The following P2RY11 variants were observed in gnomAD, a reference collection of about 807,000 sequenced individuals.
The protein encoded by P2RY11 is purinergic receptor P2Y11.
P2RY11 carries 3 observed loss-of-function variants against 2.4 expected under a neutral mutation model. The observed-to-expected ratio is 1.22, with a 90% CI of 0.56 to 3.17. The LOEUF is 3.17. Ranked by LOEUF, P2RY11 falls within the 30% of genes most tolerant of loss-of-function variation. The pLI, the probability that P2RY11 is intolerant of heterozygous loss-of-function variation, is 0.03. For missense variants in P2RY11, 670 were observed against 528.2 expected, an observed-to-expected ratio of 1.27 and a Z score of -2.63; for synonymous variants, 307 against 237.3, an observed-to-expected ratio of 1.29 and a Z score of -2.70.
chr19:10,112,760 C>T (rs2089134366), intron 1 of P2RY11, among the ~76,000 whole-genome samples: 1 of 152,116 alleles, frequency 6.6e-6, no homozygotes, highest in South Asian at 2.1e-4. Context: ...CATGGGGAAA[C>T]CCCATCTCTA....
Position 10,113,694 on chromosome 19 carries a change from G to T in P2RY11, c.81G>T (p.Gln27His). 1 of 1,598,020 alleles carries T rather than the reference G, an allele frequency of 6.3e-7. No homozygotes were observed. Among genetic ancestry groups the T allele is most frequent in the Non-Finnish European group, 8.5e-7 (1 of 1,170,576 alleles). The stretch of plus-strand genomic sequence containing the variant: ...CCGACGACAAACTCAGTGGGTTCCA[G>T]GGGGACTTCCTGTGGCCCATACTGG... ...AAADDKLSGFQGDFLWPILVV... is the reference protein window; with the variant it reads ...AAADDKLSGFHGDFLWPILVV... The change falls in exon 2 of 2, where the codon CAG (glutamine) becomes CAT (histidine). Residue 27 changes from glutamine (Q) to histidine (H), a missense_variant. Transcript: ENST00000321826.
chr19:10,113,470 G>C (rs1232592119), intron 1 of P2RY11, among the ~76,000 whole-genome samples, 163 bp from the exon 2 acceptor site: 1 of 152,124 alleles, frequency 6.6e-6, no homozygotes, highest in Non-Finnish European at 1.5e-5. Flanking sequence ...CTGGCTCTGA[G>C]CCTCAATCCT....
intron 1 of P2RY11, 134 bp from the exon 2 acceptor site, chr19:10,113,499 A>C: frequency 2.3e-6 from 3 of 1,324,178 alleles, no homozygotes; most frequent in African/African-American, 1.5e-5. Flanking sequence ...AAAGGAGTGG[A>C]GCCCGGTCCC....
At position 10,113,682 on chromosome 19, in the gene P2RY11, CAG is replaced by C. The variant is rs767587364; in HGVS notation, c.70_71del (p.Ser24TrpfsTer14). 5 of 1,600,924 alleles carry C rather than the reference CAG, an allele frequency of 3.1e-6. No homozygotes were observed. Among genetic ancestry groups the C allele is most frequent in the South Asian group, 2.2e-5 (2 of 89,270 alleles). On this transcript the variant is annotated frameshift_variant, in exon 2 of 2. Transcript: ENST00000321826. LOFTEE classifies it low-confidence loss of function (END_TRUNC). ...NFLAAADDKL[S>X]GFQGDFLWPI... ...TCTTGGCAGCTGCCGACGACAAACT[CAG>C]TGGGTTCCAGGGGGACTTCCTGTGG...
chr19:10,111,794 G>A (rs2089088520), intron 1 of P2RY11, 54 bp downstream of exon 1: 1 of 1,602,568 alleles, frequency 6.2e-7, no homozygotes, highest in Non-Finnish European at 8.5e-7. Context: ...GTCAGGAGGT[G>A]GGGGTAGTGG....
Position 10,114,265 on chromosome 19 carries a change from C to G in P2RY11, c.652C>G (p.Leu218Val). Residue 218 changes from leucine to valine, a missense_variant, in exon 2 of 2, where the codon CTG becomes GTG. By Grantham distance (32) the Leu-to-Val change is conservative. Transcript: ENST00000321826. ...VLAGLGCGLPLLLTLAAYGAL... is the reference protein window; with the variant it reads ...VLAGLGCGLPVLLTLAAYGAL... Reference sequence around the variant, plus strand: ...GGCGGGGTTGGGCTGCGGCCTGCCGCTGCTGCTCACGCTGGCAGCCTACGG... The same window carrying G: ...GGCGGGGTTGGGCTGCGGCCTGCCGGTGCTGCTCACGCTGGCAGCCTACGG... The G allele has an allele frequency of 6.3e-7, 1 of 1,598,552 alleles. No individual in the cohort carries two copies.
At position 10,113,682 on chromosome 19, in the gene P2RY11, C is replaced by CGG; in HGVS notation, c.69_70insGG (p.Ser24GlyfsTer58). 6.2e-7 allele frequency: 1 copy of CGG among 1,600,898 alleles called. No homozygotes were observed. The highest frequency in any genetic ancestry group is 8.5e-7 in the Non-Finnish European group (1 of 1,172,416). On this transcript the variant is annotated frameshift_variant, in exon 2 of 2. Coordinates refer to ENST00000321826, the MANE Select transcript of P2RY11 (RefSeq NM_002566.5). LOFTEE classifies it low-confidence loss of function (END_TRUNC). ...TCTTGGCAGCTGCCGACGACAAACT[C>CGG]AGTGGGTTCCAGGGGGACTTCCTGT...
chr19:10,114,157 G>C lies in P2RY11; in HGVS notation c.544G>C (p.Val182Leu). The C allele has an allele frequency of 6.2e-7, 1 of 1,600,948 alleles. No homozygotes were observed. Among genetic ancestry groups the C allele is most frequent in the East Asian group, 2.2e-5 (1 of 44,876 alleles). The change falls in exon 2 of 2, where the codon GTG (valine) becomes CTG (leucine). Residue 182 changes from valine (V) to leucine (L), a missense_variant. Coordinates refer to ENST00000321826, the MANE Select transcript of P2RY11 (RefSeq NM_002566.5). Reference sequence around the variant, plus strand: ...GCAGCAGGGGGCGGGCAACTGCAGCGTGGCCAGGCCCGAGGCCTGCATCAA... The same window carrying C: ...GCAGCAGGGGGCGGGCAACTGCAGCCTGGCCAGGCCCGAGGCCTGCATCAA... ...RPQQGAGNCS[V>L]ARPEACIKCL...
intron 1 of P2RY11, among the ~76,000 whole-genome samples, chr19:10,112,649 CTG>C (rs2089130423): frequency 6.6e-6 from 1 of 152,056 alleles, no homozygotes; most frequent in African/African-American, 2.4e-5. Context: ...TCAAGAATGT[CTG>C]GGTGTGGCTG....
At position 10,113,744 on chromosome 19, in the gene P2RY11, C is replaced by T. The variant is rs761921516; in HGVS notation, c.131C>T (p.Ala44Val). ...GTGGTTGAGTTCCTGGTGGCCGTGG[C>T]CAGCAATGGCCTGGCCCTGTACCGC... ...ILVVEFLVAV[A>V]SNGLALYRFS... Residue 44 changes from alanine to valine, a missense_variant, in exon 2 of 2, where the codon GCC becomes GTC. Transcript: ENST00000321826. The T allele has an allele frequency of 6.2e-6, 10 of 1,613,980 alleles. No individual in the cohort carries two copies. Among genetic ancestry groups the T allele is most frequent in the Non-Finnish European group, 8.5e-6 (10 of 1,179,930 alleles).
chr19:10,112,419 C>A (rs968754404), intron 1 of P2RY11: 1 of 152,660 alleles, frequency 6.6e-6, no homozygotes, highest in African/African-American at 2.4e-5. Flanking sequence ...TGCTGCTGTG[C>A]CCTGGGCACT....
In P2RY11 at chr19:10,114,859, G is replaced by C; in HGVS notation, c.*121G>C. On this transcript the variant is annotated 3_prime_UTR_variant, in exon 2 of 2. Transcript: ENST00000321826. Reference sequence around the variant, plus strand: ...AACACCTGTGCTTGCAGCCAGGTCAGGCCCAGCTGCAGCCCAGGCAGGAGC... The same window carrying C: ...AACACCTGTGCTTGCAGCCAGGTCACGCCCAGCTGCAGCCCAGGCAGGAGC... 1 of 1,474,116 alleles carries C rather than the reference G, an allele frequency of 6.8e-7. No homozygotes were observed. The highest frequency in any genetic ancestry group is 9.0e-7 in the Non-Finnish European group (1 of 1,109,372). 91.3% of individuals were successfully genotyped at this position (1,474,116 alleles called of 1,614,324 possible).
Position 10,115,144 on chromosome 19 carries a change from G to C in P2RY11, c.*406G>C. ...TGGTGGACGGCCTGGGGTAGGGGAG[G>C]GTGGCAGGTATAAGACTTCTGGGGG... On this transcript the variant is annotated 3_prime_UTR_variant, in exon 2 of 2. Coordinates refer to ENST00000321826, the MANE Select transcript of P2RY11 (RefSeq NM_002566.5). 6.2e-7 allele frequency: 1 copy of C among 1,613,786 alleles called. No individual in the cohort carries two copies. The highest frequency in any genetic ancestry group is 1.1e-5 in the South Asian group (1 of 90,968).
At chr19:10,111,824 G>C (rs1240334322) in intron 1 of P2RY11, 84 bp downstream of exon 1, 1 of 1,521,490 alleles carries the variant, frequency 6.6e-7, no homozygotes, top group Non-Finnish European at 9.1e-7. Flanking sequence ...AAACACCTAG[G>C]TCTGGGGCTG....
intron 1 of P2RY11, among the ~76,000 whole-genome samples, chr19:10,112,797 C>T (rs1052276932): frequency 6.6e-6 from 1 of 152,044 alleles, no homozygotes; most frequent in Admixed American, 6.6e-5. Context: ...TAAAATTAAA[C>T]CAGGCGTGGT....
At position 10,112,081 on chromosome 19, in the gene P2RY11, G is replaced by T. The variant is rs950509279; in HGVS notation, c.19+341G>T. 14 of 226,872 alleles carry T rather than the reference G, an allele frequency of 6.2e-5. No individual in the cohort carries two copies. In the East Asian group the frequency reaches 9.3e-4, roughly 15 times the overall value. 14.1% of individuals were successfully genotyped at this position (226,872 alleles called of 1,614,324 possible). On this transcript the variant is annotated intron_variant, in intron 1 of 1. Transcript: ENST00000321826. Reference sequence around the variant, plus strand: ...GCCGAGATTGCACCATTGCACTCCAGCTTGGGCAATGAGCGAAACTCCATC... The same window carrying T: ...GCCGAGATTGCACCATTGCACTCCATCTTGGGCAATGAGCGAAACTCCATC...
chr19:10,114,073 T>A lies in P2RY11; in HGVS notation c.460T>A (p.Trp154Arg). 2 of 1,600,470 alleles carry A rather than the reference T, an allele frequency of 1.2e-6. No individual in the cohort carries two copies. The highest frequency in any genetic ancestry group is 1.7e-6 in the Non-Finnish European group (2 of 1,179,394). ...KHAWAVSAAGWVLAALLAMPT... is the reference protein window; with the variant it reads ...KHAWAVSAAGRVLAALLAMPT... ...CGCCTGGGCCGTGAGCGCTGCCGGC[T>A]GGGTCCTGGCCGCCCTGCTGGCCAT... Residue 154 changes from tryptophan (W) to arginine (R), a missense_variant, in exon 2 of 2, where the codon TGG becomes AGG. By Grantham distance (101) the Trp-to-Arg change is moderately radical. Transcript: ENST00000321826.
chr19:10,115,030 G>T lies in P2RY11; in HGVS notation c.*292G>T. The T allele has an allele frequency of 6.3e-7, 1 of 1,586,606 alleles. No individual in the cohort carries two copies. Among genetic ancestry groups the T allele is most frequent in the Non-Finnish European group, 8.6e-7 (1 of 1,160,816 alleles). ...AGAACCAAGTAGAGAGAGTGGAGCT[G>T]CTTTATTGCCCTTGGAGCCCGCGCT... On this transcript the variant is annotated 3_prime_UTR_variant, in exon 2 of 2. Transcript: ENST00000321826.
Position 10,114,204 on chromosome 19 carries a change from CG to C in P2RY11, c.594del (p.Leu199TrpfsTer40). 1 of 1,600,244 alleles carries C rather than the reference CG, an allele frequency of 6.2e-7. No homozygotes were observed. The highest frequency in any genetic ancestry group is 8.5e-7 in the Non-Finnish European group (1 of 1,179,472). ...CIKCLGTADH[G>X]LAAYRAYSLV... ...TCAAGTGTCTGGGGACAGCAGACCA[CG>C]GGCTGGCGGCCTACAGAGCGTATAG... On this transcript the variant is annotated frameshift_variant, in exon 2 of 2. Coordinates refer to ENST00000321826, the MANE Select transcript of P2RY11 (RefSeq NM_002566.5). LOFTEE classifies it low-confidence loss of function (END_TRUNC).
Sources: gnomAD v4.1 joint callset for allele counts (sites outside exome capture counted in the v4.1 genomes callset) on GRCh38, gnomAD v4.1.1 for gene constraint, MANE v1.5 for transcripts, NCBI Gene and HGNC (gene_info 2026-07-23, HGNC 2026-07-21) for gene names.